The following SMIM14 variants were observed in gnomAD, a reference collection of about 807,000 sequenced individuals.
SMIM14 encodes small integral membrane protein 14.
In SMIM14, 5 loss-of-function variants were observed where a neutral mutation model predicts 12.6. That is an observed-to-expected ratio of 0.40 (90% CI 0.21 to 0.83). The LOEUF (loss-of-function observed/expected upper bound fraction) is 0.83. SMIM14 is among the 40% of genes least tolerant of loss of function. The probability of loss-of-function intolerance (pLI) is 0.37; values close to 1 mark genes in which losing one functional copy is unlikely to be tolerated. For missense variants in SMIM14, 86 were observed against 119.1 expected (o/e 0.72, Z 1.29); for synonymous variants, 30 against 40.1 (o/e 0.75, Z 0.95).
At chr4:39,611,140 C>T (rs1715016022) in intron 1 of SMIM14, among the ~76,000 whole-genome samples, 1 of 152,138 alleles carries the variant, frequency 6.6e-6, no homozygotes, top group African/African-American at 2.4e-5. Flanking sequence ...CAGGAAAATA[C>T]AGAACCAATA....
chr4:39,626,817 T>A (rs944968226), intron 1 of SMIM14, among the ~76,000 whole-genome samples: 10 of 152,310 alleles, frequency 6.6e-5, no homozygotes, highest in Admixed American at 6.5e-4. Flanking sequence ...GAGAATTTCC[T>A]CATCTCCTTA....
intron 1 of SMIM14, among the ~76,000 whole-genome samples, chr4:39,632,269 C>G (rs966227558): frequency 6.6e-6 from 1 of 151,892 alleles, no homozygotes. Flanking sequence ...GGCAGGCGGT[C>G]AAGAGATCAA....
At chr4:39,636,173 C>CCAAAA (rs1312532665) in intron 1 of SMIM14, among the ~76,000 whole-genome samples, 1 of 76,344 alleles carries the variant, frequency 1.3e-5, no homozygotes, top group African/African-American at 5.5e-5. Flanking sequence ...CTCCATCTCC[C>CCAAAA]AAAAAAAAAA....
At chr4:39,593,208 A>T (rs1578341016) in intron 2 of SMIM14, 1 of 152,162 alleles carries the variant, frequency 6.6e-6, no homozygotes, top group East Asian at 1.9e-4. Context: ...ATCCACCATG[A>T]CCAAGTGGGC....
In SMIM14 at chr4:39,553,595, G is replaced by GTT. The variant is rs370247858; in HGVS notation, c.268-1439_268-1438dup. 3.2e-3 allele frequency among the ~76,000 whole-genome samples: 448 copies of GTT among 140,798 alleles called. 3 individuals are homozygous for GTT. Among genetic ancestry groups the GTT allele is most frequent in the African/African-American group, 0.01 (404 of 38,708 alleles). The allele number at this position is 140,798 out of a possible 152,430, so 92.4% of individuals were successfully genotyped here. ...TTTTTATATAGTGCTAATAATGCCG[G>GTT]TTTTTTTTTTTTTTTGAGATGGAGT... is the stretch of plus-strand genomic sequence containing the variant. On this transcript the variant is annotated intron_variant, in intron 4 of 4. Coordinates refer to ENST00000295958, the MANE Select transcript of SMIM14 (RefSeq NM_174921.3).
chr4:39,609,380 A>T (rs1668354933), intron 1 of SMIM14, among the ~76,000 whole-genome samples: 2 of 152,194 alleles, frequency 1.3e-5, no homozygotes, highest in Non-Finnish European at 2.9e-5. Flanking sequence ...CATGTTCTAA[A>T]CTCATCCGGA....
intron 1 of SMIM14, among the ~76,000 whole-genome samples, chr4:39,626,915 AC>A (rs1715723613): frequency 6.6e-6 from 1 of 152,070 alleles, no homozygotes; most frequent in South Asian, 2.1e-4. Context: ...ATTAAATGTG[AC>A]CCTATTTTCT....
chr4:39,571,963 C>T (rs1184563664), intron 3 of SMIM14, among the ~76,000 whole-genome samples: 3 of 151,784 alleles, frequency 2.0e-5, no homozygotes, highest in African/African-American at 7.3e-5. Context: ...ACCACCATGC[C>T]CCACTAATTT....
chr4:39,598,346 C>G (rs1054513037), intron 2 of SMIM14, among the ~76,000 whole-genome samples: 1 of 152,168 alleles, frequency 6.6e-6, no homozygotes, highest in Admixed American at 6.6e-5. Context: ...TTCTGAAAAA[C>G]AGTAATTTTT....
intron 3 of SMIM14, 43 bp downstream of exon 3, chr4:39,572,372 C>G: frequency 7.8e-7 from 1 of 1,290,100 alleles, no homozygotes; most frequent in Admixed American, 2.3e-5. Context: ...GCCTCTAATT[C>G]TGCCCCCAAT....
chr4:39,602,938 A>C (rs1409355750), intron 2 of SMIM14, among the ~76,000 whole-genome samples: 1 of 152,218 alleles, frequency 6.6e-6, no homozygotes, highest in Non-Finnish European at 1.5e-5. Flanking sequence ...TACCTTTATT[A>C]ACTGACATAC....
intron 2 of SMIM14, among the ~76,000 whole-genome samples, chr4:39,603,085 A>G (rs1714676499): frequency 1.3e-5 from 2 of 152,174 alleles, no homozygotes. Flanking sequence ...TTGTATTTTC[A>G]GATTAGGGAT....
At chr4:39,629,671 T>C (rs1715833735) in intron 1 of SMIM14, among the ~76,000 whole-genome samples, 1 of 152,100 alleles carries the variant, frequency 6.6e-6, no homozygotes, top group Non-Finnish European at 1.5e-5. Flanking sequence ...TTGCCCAGGC[T>C]GGAGTGCAGT....
rs532216439 is a variant in SMIM14 at position 39,550,998 on chromosome 4, C to T, written c.*1128G>A. On this transcript the variant is annotated 3_prime_UTR_variant, in exon 5 of 5. Coordinates refer to ENST00000295958, the MANE Select transcript of SMIM14 (RefSeq NM_174921.3). ...GATCTTGGTTCACTGCAACCTCCAC[C>T]TCCCGGGTTCAAGCAATTCTCCTGC... 1 of 152,258 alleles carries T rather than the reference C, an allele frequency of 6.6e-6. No homozygotes were observed. The highest frequency in any genetic ancestry group is 2.4e-5 in the African/African-American group (1 of 41,534). 9.4% of individuals were successfully genotyped at this position (152,258 alleles called of 1,614,324 possible).
chr4:39,556,794 T>C (rs1274437149), intron 3 of SMIM14, among the ~76,000 whole-genome samples: 1 of 152,118 alleles, frequency 6.6e-6, no homozygotes, highest in Non-Finnish European at 1.5e-5. Flanking sequence ...GTTTTTGTTG[T>C]TTTTGTTTTT....
intron 1 of SMIM14, among the ~76,000 whole-genome samples, chr4:39,619,212 AAATAT>A (rs1715345886): frequency 7.2e-6 from 1 of 138,986 alleles, no homozygotes; most frequent in African/African-American, 2.6e-5. Context: ...ATATATCAAT[AAATAT>A]AATTTATTCT....
intron 2 of SMIM14, among the ~76,000 whole-genome samples, chr4:39,591,706 C>T (rs1303371143): frequency 6.6e-6 from 1 of 152,074 alleles, no homozygotes; most frequent in Non-Finnish European, 1.5e-5. Flanking sequence ...CAGGCACCCA[C>T]CACCAGGCCC....
Position 39,621,686 on chromosome 4 carries a change from CTTTTT to C in SMIM14, c.-35-16511_-35-16507del, listed in dbSNP as rs57206633. Among the ~76,000 whole-genome samples the C allele has an allele frequency of 2.4e-4, 25 of 105,436 alleles. 1 individual carries two copies. Among genetic ancestry groups the C allele is most frequent in the African/African-American group, 5.7e-4 (17 of 29,962 alleles). The allele number at this position is 105,436 out of a possible 152,430, so 69.2% of individuals were successfully genotyped here. A position where few individuals can be genotyped will look rare whatever the true frequency, so the allele number is the denominator to read the frequency against. Reference sequence around the variant, plus strand: ...TAAAGTATTATACAGCCAAACGTTTCTTTTTTTTTTTTTTTTTTTTTTTTGAGAAA... The same window carrying C: ...TAAAGTATTATACAGCCAAACGTTTCTTTTTTTTTTTTTTTTTTTGAGAAA... On this transcript the variant is annotated intron_variant, in intron 1 of 4. Coordinates refer to ENST00000295958, the MANE Select transcript of SMIM14 (RefSeq NM_174921.3).
chr4:39,598,114 TAGAC>T (rs1714450281), intron 2 of SMIM14, among the ~76,000 whole-genome samples: 1 of 152,198 alleles, frequency 6.6e-6, no homozygotes, highest in African/African-American at 2.4e-5. Context: ...CTACTTGTCT[TAGAC>T]AGCAACTCTC....
Sources: gnomAD v4.1 joint callset for allele counts (sites outside exome capture counted in the v4.1 genomes callset) on GRCh38, gnomAD v4.1.1 for gene constraint, MANE v1.5 for transcripts, NCBI Gene and HGNC (gene_info 2026-07-23, HGNC 2026-07-21) for gene names.